The following RNF31 variants were observed in gnomAD, a reference collection of about 807,000 sequenced individuals.
RNF31 encodes the protein ring finger protein 31.
Under a neutral mutation model 133.6 loss-of-function variants are expected in RNF31, and 38 were observed. The ratio of observed to expected loss-of-function variants is 0.28; its 90% confidence interval spans 0.22 to 0.37. The LOEUF is 0.37. Ranked by LOEUF, RNF31 falls within the 10% of genes least tolerant of loss-of-function variation. The pLI is 1.00. For missense variants in RNF31, 1,118 were observed against 1,394.1 expected (o/e 0.80, Z 3.15); for synonymous variants, 582 against 552.3 (o/e 1.05, Z -0.75).
chr14:24,148,922 T>C, intron 5 of RNF31, 46 bp downstream of exon 5: 2 of 1,492,988 alleles, frequency 1.3e-6, no homozygotes, highest in Middle Eastern at 1.7e-4. Context: ...GCTATATTGA[T>C]GGAAATTTGG....
In RNF31 at chr14:24,160,037, G is replaced by A. The variant is rs2038421460; in HGVS notation, c.2996+77G>A. On this transcript the variant is annotated intron_variant, in intron 19 of 20. Transcript: ENST00000324103. The surrounding 1 kb of genome is among the most constrained non-coding windows in gnomAD (Gnocchi z 4.0). ...GAGGGCATGCCCAGGCAGTAAAATG[G>A]GTCCTTGGGAGCAGTAGGTCTTGCA... 7 of 1,451,774 alleles carry A rather than the reference G, an allele frequency of 4.8e-6. No individual in the cohort carries two copies. The highest frequency in any genetic ancestry group is 1.8e-4 in the Middle Eastern group (1 of 5,520). The allele number at this position is 1,451,774 out of a possible 1,614,324, so 89.9% of individuals were successfully genotyped here. A position where few individuals can be genotyped will look rare whatever the true frequency, so the allele number is the denominator to read the frequency against.
At chr14:24,159,073 G>A (rs1180044524) in intron 18 of RNF31, among the ~76,000 whole-genome samples, 12 of 148,440 alleles carry the variant, frequency 8.1e-5, no homozygotes, top group South Asian at 2.1e-4. Context: ...GGCTGGGCAC[G>A]GTGGCTCATG....
At chr14:24,156,501 T>A (rs1212620242) in intron 14 of RNF31, among the ~76,000 whole-genome samples, 3 of 152,094 alleles carry the variant, frequency 2.0e-5, no homozygotes, top group African/African-American at 7.2e-5. Flanking sequence ...AATATTTGGC[T>A]AGGCATGGTG....
chr14:24,155,016 C>T lies in RNF31; in HGVS notation c.2131-141C>T, dbSNP rs2038320749. The stretch of plus-strand genomic sequence containing the variant: ...CAGATGTTTACGTTGCCTGCCTGGC[C>T]CCTGCTGGCACTTGAGGTTGTTAAC... On this transcript the variant is annotated intron_variant, in intron 11 of 20. Coordinates refer to ENST00000324103, the MANE Select transcript of RNF31 (RefSeq NM_017999.5). The surrounding 1 kb of genome is among the most constrained non-coding windows in gnomAD (Gnocchi z 4.9). 2.7e-6 allele frequency: 2 copies of T among 744,514 alleles called. No homozygotes were observed. Among genetic ancestry groups the T allele is most frequent in the African/African-American group, 1.8e-5 (1 of 56,714 alleles). 46.1% of individuals were successfully genotyped at this position (744,514 alleles called of 1,614,324 possible).
At chr14:24,148,907 A>G in intron 5 of RNF31, 31 bp downstream of exon 5, 1 of 1,574,514 alleles carries the variant, frequency 6.4e-7, no homozygotes, top group Non-Finnish European at 8.7e-7. Flanking sequence ...GGGACCAGGT[A>G]GGAAGCTATA....
At position 24,147,972 on chromosome 14, in the gene RNF31, C is replaced by T. The variant is rs529178191; in HGVS notation, c.193-4C>T. The T allele has an allele frequency of 1.9e-6, 3 of 1,614,000 alleles. No homozygotes were observed. The highest frequency in any genetic ancestry group is 1.1e-5 in the South Asian group (1 of 91,076). ...TCACACCTCTCTGCTCTCCTTGCTC[C>T]CAGCCCCGAAACTACCTCAACACCC... On this transcript the variant is annotated splice_region_variant and splice_polypyrimidine_tract_variant and intron_variant, in intron 1 of 20. Coordinates refer to ENST00000324103, the MANE Select transcript of RNF31 (RefSeq NM_017999.5).
At chr14:24,149,383 G>C in intron 5 of RNF31, 23 bp from the exon 6 acceptor site, 2 of 1,599,694 alleles carry the variant, frequency 1.3e-6, no homozygotes, top group Non-Finnish European at 8.5e-7. Context: ...TTGGAAAGAT[G>C]TTCCATCTCT....
At chr14:24,154,872 T>C in intron 11 of RNF31, 1 of 438,024 alleles carries the variant, frequency 2.3e-6, no homozygotes, top group African/African-American at 2.0e-5. Flanking sequence ...TCCACCTCTA[T>C]AGTTTTGTCA....
intron 11 of RNF31, among the ~76,000 whole-genome samples, chr14:24,153,615 T>C (rs987870855): frequency 6.7e-6 from 1 of 148,926 alleles, no homozygotes; most frequent in Non-Finnish European, 1.5e-5. Context: ...ATAAAATACA[T>C]AAAGTTGGCC....
Position 24,149,533 on chromosome 14 carries a change from C to T in RNF31, c.759C>T (p.His253=), listed in dbSNP as rs374948004. 74 of 1,614,036 alleles carry T rather than the reference C, an allele frequency of 4.6e-5. No homozygotes were observed. In the African/African-American group the frequency reaches 9.9e-4, roughly 22 times the overall value. Residue 253 remains histidine (H), a synonymous_variant, in exon 6 of 21, where the codon CAC becomes CAT. Transcript: ENST00000324103. ...ATGGACACCCATCCCGTGCTCATCA[C>T]CTCCGCCAGACCCTGCCTGGGGTCC... ...LFHGHPSRAH[H]LRQTLPGVLQ...
intron 6 of RNF31, 104 bp from the exon 7 acceptor site, chr14:24,149,957 G>C: frequency 7.4e-7 from 1 of 1,352,148 alleles, no homozygotes; most frequent in Non-Finnish European, 1.0e-6. Context: ...GTGTGCAAAG[G>C]CCAGTGACAT....
chr14:24,155,550 AG>A lies in RNF31; in HGVS notation c.2403+42del. 1 of 1,613,402 alleles carries A rather than the reference AG, an allele frequency of 6.2e-7. No homozygotes were observed. The highest frequency in any genetic ancestry group is 8.5e-7 in the Non-Finnish European group (1 of 1,179,268). On this transcript the variant is annotated intron_variant, in intron 13 of 20. Coordinates refer to ENST00000324103, the MANE Select transcript of RNF31 (RefSeq NM_017999.5). The surrounding 1 kb of genome is among the most constrained non-coding windows in gnomAD (Gnocchi z 4.9). ...CCCAGGGCAGCTACTGTGGAGGGGCAGGGGATGGTTCCAGGTCAGGCCTTTG... is the reference window on the plus strand; with the variant it reads ...CCCAGGGCAGCTACTGTGGAGGGGCAGGGATGGTTCCAGGTCAGGCCTTTG...
In RNF31 at chr14:24,149,558, C is replaced by A; in HGVS notation, c.784C>A (p.Leu262Met). The A allele has an allele frequency of 3.1e-6, 5 of 1,614,074 alleles. No homozygotes were observed. The highest frequency in any genetic ancestry group is 2.5e-6 in the Non-Finnish European group (3 of 1,179,980). The change falls in exon 6 of 21, where the codon CTG becomes ATG. Residue 262 changes from leucine to methionine, a missense_variant. By Grantham distance (15) the Leu-to-Met change is conservative. Transcript: ENST00000324103. ...CCTCCGCCAGACCCTGCCTGGGGTC[C>A]TGCAGGGTACCCACCTGAGCCCCAG... Reference protein sequence around the residue: ...HHLRQTLPGVLQGTHLSPSLP... With the variant: ...HHLRQTLPGVMQGTHLSPSLP...
chr14:24,158,912 A>G (rs1001120646), intron 18 of RNF31, among the ~76,000 whole-genome samples: 3 of 151,564 alleles, frequency 2.0e-5, no homozygotes, highest in African/African-American at 4.9e-5. Context: ...GGGCGCCTGT[A>G]GTCCCAGCTA....
At chr14:24,154,275 A>G (rs1253617621) in intron 11 of RNF31, among the ~76,000 whole-genome samples, 4 of 152,102 alleles carry the variant, frequency 2.6e-5, no homozygotes, top group Non-Finnish European at 5.9e-5. Flanking sequence ...CTCCTGCCTC[A>G]GCCTCCCGAG....
At chr14:24,153,076 G>A (rs531283265) in intron 11 of RNF31, among the ~76,000 whole-genome samples, 10 of 149,464 alleles carry the variant, frequency 6.7e-5, no homozygotes, top group Non-Finnish European at 8.9e-5. Context: ...GCAAGACTCC[G>A]TCTTAAAAAA....
rs760412491 is a variant in RNF31 at position 24,151,538 on chromosome 14, A to G, written c.1791A>G (p.Ala597=). 1.2e-6 allele frequency: 2 copies of G among 1,614,036 alleles called. No individual in the cohort carries two copies. The highest frequency in any genetic ancestry group is 1.7e-6 in the Non-Finnish European group (2 of 1,180,046). Residue 597 remains alanine, a synonymous_variant, in exon 10 of 21, where the codon GCA becomes GCG. Transcript: ENST00000324103. The surrounding 1 kb of genome is among the most constrained non-coding windows in gnomAD (Gnocchi z 5.3). ...GFGPEEGSLQ[A]LFQHGGDVSR... The stretch of plus-strand genomic sequence containing the variant: ...GGCCTGAGGAGGGGTCTCTCCAGGC[A>G]TTGTTCCAGCACGGAGGTGATGTGT...
chr14:24,147,624 G>A lies in RNF31; in HGVS notation c.-75G>A. 2 of 1,309,822 alleles carry A rather than the reference G, an allele frequency of 1.5e-6. No individual in the cohort carries two copies. The highest frequency in any genetic ancestry group is 2.0e-6 in the Non-Finnish European group (2 of 1,019,404). 81.1% of individuals were successfully genotyped at this position (1,309,822 alleles called of 1,614,324 possible). A position where few individuals can be genotyped will look rare whatever the true frequency, so the allele number is the denominator to read the frequency against. ...TCAAAGCCGGGCACCAGACGGGAGG[G>A]GCGGCGCTCGGGCCGCGCGCTGCCC... On this transcript the variant is annotated 5_prime_UTR_variant, in exon 1 of 21. Transcript: ENST00000324103.
intron 5 of RNF31, 78 bp downstream of exon 5, chr14:24,148,954 T>G: frequency 8.3e-7 from 1 of 1,211,688 alleles, no homozygotes; most frequent in African/African-American, 1.5e-5. Context: ...GTCTTCTTGG[T>G]TATCTTCCTT....
Sources: gnomAD v4.1 joint callset for allele counts (sites outside exome capture counted in the v4.1 genomes callset) on GRCh38, gnomAD v4.1.1 for gene constraint, Gnocchi (gnomAD v3.1) non-coding constraint, MANE v1.5 for transcripts, NCBI Gene and HGNC (gene_info 2026-07-23, HGNC 2026-07-21) for gene names.